The following NKAIN2 variants were observed in gnomAD, a reference collection of about 807,000 sequenced individuals.
The protein encoded by NKAIN2 is sodium/potassium-transporting ATPase subunit beta-1-interacting protein 2.
A neutral mutation model predicts 32.6 loss-of-function variants in NKAIN2; 14 were observed. The ratio of observed to expected loss-of-function variants is 0.43; its 90% CI spans 0.28 to 0.67. The LOEUF (loss-of-function observed/expected upper bound fraction) is 0.67. Among genes scored for constraint, NKAIN2 ranks in the 30% least tolerant of loss-of-function variants. NKAIN2 has a pLI of 0.17. For missense variants in NKAIN2, 198 were observed against 258.3 expected (o/e 0.77, Z 1.60); for synonymous variants, 80 against 87.2 (o/e 0.92, Z 0.46).
At chr6:123,992,179 C>T (rs1188939694) in intron 1 of NKAIN2, among the ~76,000 whole-genome samples, 1 of 152,076 alleles carries the variant, frequency 6.6e-6, no homozygotes, top group East Asian at 1.9e-4. Context: ...CTTCTCGCTT[C>T]AACCAGGAGA....
At chr6:124,083,642 A>G (rs559209200) in intron 1 of NKAIN2, among the ~76,000 whole-genome samples, 3 of 151,918 alleles carry the variant, frequency 2.0e-5, no homozygotes, top group African/African-American at 7.2e-5. Flanking sequence ...AAAGTCTTTG[A>G]CTCCTTCCTG....
intron 3 of NKAIN2, among the ~76,000 whole-genome samples, chr6:124,358,258 C>G (rs1799088573): frequency 6.6e-6 from 1 of 152,066 alleles, no homozygotes; most frequent in Admixed American, 6.6e-5. Flanking sequence ...GTCTTTATAG[C>G]AGCATGTTTT....
chr6:124,805,892 A>C (rs977484506), intron 5 of NKAIN2, among the ~76,000 whole-genome samples: 40 of 152,218 alleles, frequency 2.6e-4, no homozygotes, highest in African/African-American at 9.6e-4. Context: ...GGTATCAGCG[A>C]TGGAAGATGA....
chr6:123,969,248 A>C (rs1778228141), intron 1 of NKAIN2, among the ~76,000 whole-genome samples: 2 of 152,152 alleles, frequency 1.3e-5, no homozygotes, highest in Admixed American at 6.5e-5. Flanking sequence ...TTAATGTGTG[A>C]TGGGATTTTT....
intron 1 of NKAIN2, among the ~76,000 whole-genome samples, chr6:124,224,720 T>G (rs577955623): frequency 6.6e-6 from 1 of 152,260 alleles, no homozygotes; most frequent in African/African-American, 2.4e-5. Context: ...TCACATTATG[T>G]GAAAATTGTT....
chr6:124,682,134 G>A (rs187882217), intron 4 of NKAIN2, among the ~76,000 whole-genome samples: 259 of 147,164 alleles, frequency 1.8e-3, no homozygotes, highest in Non-Finnish European at 2.9e-3. Context: ...AGTAAAAAAT[G>A]TTTTTTTTTT....
chr6:124,324,458 C>T (rs1797335606), intron 2 of NKAIN2, among the ~76,000 whole-genome samples: 1 of 152,032 alleles, frequency 6.6e-6, no homozygotes, highest in Non-Finnish European at 1.5e-5. Flanking sequence ...GATCTTAACT[C>T]ATTTAATATT....
At chr6:124,056,864 G>A (rs1439610550) in intron 1 of NKAIN2, among the ~76,000 whole-genome samples, 1 of 151,978 alleles carries the variant, frequency 6.6e-6, no homozygotes, top group Non-Finnish European at 1.5e-5. Flanking sequence ...AATATTTTTA[G>A]CCTGCTGGCT....
chr6:124,677,112 G>C (rs778026620), intron 4 of NKAIN2, among the ~76,000 whole-genome samples: 1 of 152,032 alleles, frequency 6.6e-6, no homozygotes, highest in African/African-American at 2.4e-5. Flanking sequence ...GGGATTGCAG[G>C]TCCACGCCAC....
At chr6:124,301,604 G>A (rs1796294689) in intron 2 of NKAIN2, among the ~76,000 whole-genome samples, 1 of 152,206 alleles carries the variant, frequency 6.6e-6, no homozygotes, top group Admixed American at 6.5e-5. Context: ...AAGCCACAGG[G>A]TCAGAGCTGC....
intron 1 of NKAIN2, among the ~76,000 whole-genome samples, chr6:124,207,065 G>A (rs1173856913): frequency 6.6e-6 from 1 of 151,348 alleles, no homozygotes; most frequent in Non-Finnish European, 1.5e-5. Context: ...ATATAATTAT[G>A]CATATAACCT....
intron 2 of NKAIN2, among the ~76,000 whole-genome samples, chr6:124,300,738 T>G (rs1031295272): frequency 5.9e-5 from 9 of 152,158 alleles, no homozygotes; most frequent in African/African-American, 2.2e-4. Context: ...AGGTAACTCT[T>G]GTTATGCTTT....
At chr6:124,173,095 G>A (rs1237128713) in intron 1 of NKAIN2, among the ~76,000 whole-genome samples, 1 of 152,034 alleles carries the variant, frequency 6.6e-6, no homozygotes, top group Admixed American at 6.6e-5. Context: ...AACTCTCTCA[G>A]TTTAAATTGA....
At chr6:124,412,576 C>G (rs916432035) in intron 3 of NKAIN2, among the ~76,000 whole-genome samples, 11 of 152,176 alleles carry the variant, frequency 7.2e-5, no homozygotes, top group African/African-American at 2.4e-4. Context: ...AGGTGTCAGT[C>G]TGCCCCTACT....
At chr6:124,240,246 G>C (rs1793010452) in intron 1 of NKAIN2, among the ~76,000 whole-genome samples, 1 of 152,034 alleles carries the variant, frequency 6.6e-6, no homozygotes, top group Admixed American at 6.6e-5. Flanking sequence ...AATTGAGGCA[G>C]TAATTAATAG....
intron 3 of NKAIN2, among the ~76,000 whole-genome samples, chr6:124,482,938 C>T (rs1340442376): frequency 3.3e-5 from 5 of 151,990 alleles, no homozygotes; most frequent in East Asian, 1.9e-4. Flanking sequence ...ATTGAGACCA[C>T]GGTGAAACCC....
At chr6:124,816,124 G>A (rs1192337527) in intron 5 of NKAIN2, among the ~76,000 whole-genome samples, 1 of 152,126 alleles carries the variant, frequency 6.6e-6, no homozygotes, top group East Asian at 1.9e-4. Flanking sequence ...GCAGTATCAA[G>A]CCATGAAAAG....
chr6:124,235,602 G>GTT (rs35917574), intron 1 of NKAIN2, among the ~76,000 whole-genome samples: 25 of 147,400 alleles, frequency 1.7e-4, no homozygotes, highest in East Asian at 2.0e-4. Flanking sequence ...TTTTTTTGTT[G>GTT]TTTTTTTTTT....
intron 4 of NKAIN2, among the ~76,000 whole-genome samples, chr6:124,739,283 G>A (rs1562356462): frequency 1.3e-5 from 2 of 151,818 alleles, no homozygotes; most frequent in East Asian, 1.9e-4. Flanking sequence ...ATTGAAAAAT[G>A]TATAAAAACA....
Sources: allele counts gnomAD v4.1 joint callset (sites outside exome capture counted in the v4.1 genomes callset), GRCh38; gene constraint gnomAD v4.1.1; transcripts MANE v1.5; gene names NCBI Gene and HGNC (gene_info 2026-07-23, HGNC 2026-07-21).